Variants in CLASP2 observed in about 807,000 individuals in gnomAD.
CLASP2 encodes cytoplasmic linker associated protein 2, also known as CLIP-associating protein 2.
A neutral mutation model predicts 194.4 loss-of-function variants in CLASP2; 47 were observed. That is an observed-to-expected ratio of 0.24 (90% CI 0.19 to 0.31). The LOEUF is 0.31. Among genes scored for constraint, CLASP2 ranks in the 10% least tolerant of loss-of-function variants. The probability of loss-of-function intolerance (pLI) is 1.00; values close to 1 mark genes in which losing one functional copy is unlikely to be tolerated. For missense variants in CLASP2, 1,445 were observed against 1,823.6 expected (o/e 0.79, Z 3.78); for synonymous variants, 619 against 633.5 (o/e 0.98, Z 0.34).
At chr3:33,552,966 G>A (rs1170516761) in intron 29 of CLASP2, among the ~76,000 whole-genome samples, 1 of 152,158 alleles carries the variant, frequency 6.6e-6, no homozygotes, top group African/African-American at 2.4e-5. Flanking sequence ...ATAGTACACA[G>A]TCCTTGGATA....
rs2062799447 is a variant in CLASP2, at chr3:33,566,712, C to T, written c.2766+20G>A. On this transcript the variant is annotated intron_variant, in intron 27 of 38. Transcript: ENST00000682230. ...TCATGCAGTAAAGTTAGGTTTCCAA[C>T]AAATATTGAACCAACTTACTCTCTA... 1 of 448,062 alleles carries T rather than the reference C, an allele frequency of 2.2e-6. No homozygotes were observed. The highest frequency in any genetic ancestry group is 4.5e-6 in the Non-Finnish European group (1 of 223,364). The allele number at this position is 448,062 out of a possible 1,614,324, so 27.8% of individuals were successfully genotyped here.
At chr3:33,597,983 C>A (rs1177232364) in intron 18 of CLASP2, among the ~76,000 whole-genome samples, 3 of 151,984 alleles carry the variant, frequency 2.0e-5, no homozygotes, top group Non-Finnish European at 4.4e-5. Context: ...AAACTCCCAA[C>A]CTCAAGTGAT....
At chr3:33,659,422 T>C (rs556375857) in intron 7 of CLASP2, 13 of 1,004,400 alleles carry the variant, frequency 1.3e-5, no homozygotes, top group Admixed American at 5.9e-5. Context: ...CCTAAAGATA[T>C]CCATGTAATC....
At chr3:33,539,802 C>T (rs888952737) in intron 32 of CLASP2, among the ~76,000 whole-genome samples, 2 of 152,094 alleles carry the variant, frequency 1.3e-5, no homozygotes, top group Admixed American at 6.5e-5. Flanking sequence ...TGACCCTTTA[C>T]AGAAAGTTTA....
At position 33,685,933 on chromosome 3, in the gene CLASP2, T is replaced by C. The variant is rs1159475913; in HGVS notation, c.546+1127A>G. Among the ~76,000 whole-genome samples the C allele has an allele frequency of 2.6e-5, 4 of 151,978 alleles. No homozygotes were observed. The East Asian group carries it at 7.7e-4, about 29-fold the overall frequency. ...GGAGCTAGATGGTGGTGATGGGTGT[T>C]GCAAAACAATGTGAATGTACGTAAT... is the stretch of plus-strand genomic sequence containing the variant. On this transcript the variant is annotated intron_variant, in intron 5 of 38. Coordinates refer to ENST00000682230, the MANE Select transcript of CLASP2 (RefSeq NM_001365631.1).
chr3:33,675,987 T>A (rs1382640696), intron 6 of CLASP2, among the ~76,000 whole-genome samples: 1 of 151,082 alleles, frequency 6.6e-6, no homozygotes, highest in Non-Finnish European at 1.5e-5. Flanking sequence ...AGAATCAATA[T>A]CGTGAAAATG....
intron 33 of CLASP2, among the ~76,000 whole-genome samples, chr3:33,535,958 A>T (rs1358144676): frequency 1.3e-5 from 2 of 152,064 alleles, no homozygotes; most frequent in Non-Finnish European, 1.5e-5. Context: ...AAAGGCCTGC[A>T]TAACTTTTGG....
intron 7 of CLASP2, among the ~76,000 whole-genome samples, chr3:33,647,975 G>A (rs1442061238): frequency 6.6e-6 from 1 of 151,966 alleles, no homozygotes; most frequent in Admixed American, 6.6e-5. Context: ...GGAGGTTGCA[G>A]TGAGCTGAGA....
intron 23 of CLASP2, chr3:33,576,527 A>G: frequency 2.5e-6 from 1 of 403,912 alleles, no homozygotes. Context: ...GGTAGAAGGA[A>G]GCATGGCTGG....
chr3:33,659,329 G>T, intron 7 of CLASP2: 5 of 1,126,852 alleles, frequency 4.4e-6, no homozygotes, highest in Non-Finnish European at 5.4e-6. Context: ...AGCTCTGAGA[G>T]CCAATAAATG....
At chr3:33,670,304 ATGT>A (rs1480596704) in intron 6 of CLASP2, among the ~76,000 whole-genome samples, 1 of 152,158 alleles carries the variant, frequency 6.6e-6, no homozygotes, top group Admixed American at 6.6e-5. Flanking sequence ...GGCTTCTGGG[ATGT>A]TGTAATGTTC....
At chr3:33,600,443 T>A (rs1036692649) in intron 18 of CLASP2, among the ~76,000 whole-genome samples, 1 of 152,214 alleles carries the variant, frequency 6.6e-6, no homozygotes, top group African/African-American at 2.4e-5. Context: ...TTTTGTCAAA[T>A]GCTTTTTCTG....
chr3:33,525,891 T>TTAAC, intron 34 of CLASP2, among the ~76,000 whole-genome samples: 1 of 152,300 alleles, frequency 6.6e-6, no homozygotes, highest in Non-Finnish European at 1.5e-5. Context: ...ACAGCCACCG[T>TTAAC]TAACGGCACT....
chr3:33,629,312 G>C (rs2078631133), intron 9 of CLASP2, among the ~76,000 whole-genome samples: 1 of 152,160 alleles, frequency 6.6e-6, no homozygotes, highest in Non-Finnish European at 1.5e-5. Context: ...TACTGATTGT[G>C]TAAATGTGTT....
At chr3:33,512,974 G>C (rs1262831518) in intron 36 of CLASP2, among the ~76,000 whole-genome samples, 1 of 152,134 alleles carries the variant, frequency 6.6e-6, no homozygotes, top group Non-Finnish European at 1.5e-5. Flanking sequence ...CAGGGCGACA[G>C]AGTGAGACTC....
chr3:33,688,445 T>G, intron 3 of CLASP2, 77 bp from the exon 4 acceptor site: 1 of 1,067,754 alleles, frequency 9.4e-7, no homozygotes, highest in African/African-American at 1.6e-5. Flanking sequence ...CTTCCCAATC[T>G]TACTACCAAC....
chr3:33,596,640 T>A, intron 19 of CLASP2, 71 bp downstream of exon 19: 1 of 1,014,882 alleles, frequency 9.9e-7, no homozygotes, highest in Non-Finnish European at 1.5e-6. Flanking sequence ...AAGAGAAGAA[T>A]GAACAAGGAT....
intron 1 of CLASP2, among the ~76,000 whole-genome samples, chr3:33,711,764 A>T (rs754658466): frequency 6.6e-6 from 1 of 152,188 alleles, no homozygotes; most frequent in Non-Finnish European, 1.5e-5. Flanking sequence ...GCCAACAAAC[A>T]TATGAAAAAA....
In CLASP2 at chr3:33,584,989, T is replaced by C. The variant is rs1036021831; in HGVS notation, c.2069-69A>G. On this transcript the variant is annotated intron_variant, in intron 21 of 38. Coordinates refer to ENST00000682230, the MANE Select transcript of CLASP2 (RefSeq NM_001365631.1). Reference sequence around the variant, plus strand: ...AGAGAATTTGCTGAAAGGATAAAAATTCAAGAAATATTGATAATACAGAGA... The same window carrying C: ...AGAGAATTTGCTGAAAGGATAAAAACTCAAGAAATATTGATAATACAGAGA... The C allele has an allele frequency of 1.4e-5, 19 of 1,398,326 alleles. No individual in the cohort carries two copies. In the Admixed American group the frequency reaches 3.2e-4, roughly 24 times the overall value. 86.6% of individuals were successfully genotyped at this position (1,398,326 alleles called of 1,614,324 possible).
Sources: allele counts gnomAD v4.1 joint callset (sites outside exome capture counted in the v4.1 genomes callset), GRCh38; gene constraint gnomAD v4.1.1; transcripts MANE v1.5; gene names NCBI Gene and HGNC (gene_info 2026-07-23, HGNC 2026-07-21).